Variants in INPP4B observed in about 807,000 individuals in gnomAD.
The protein encoded by INPP4B is inositol polyphosphate-4-phosphatase type II B.
In INPP4B, 55 loss-of-function variants were observed where a neutral mutation model predicts 122.5. That is an observed-to-expected ratio of 0.45 (90% CI 0.36 to 0.56). The LOEUF is 0.56. INPP4B is among the 20% of genes least tolerant of loss of function. INPP4B has a pLI of 0.00. For synonymous variants in INPP4B, 403 were observed against 388.7 expected, an observed-to-expected ratio of 1.04 and a Z score of -0.43; for missense variants, 1,000 against 1,097.7, an observed-to-expected ratio of 0.91 and a Z score of 1.26.
At chr4:142,297,865 G>A (rs1759467133) in intron 9 of INPP4B, among the ~76,000 whole-genome samples, 1 of 152,178 alleles carries the variant, frequency 6.6e-6, no homozygotes, top group South Asian at 2.1e-4. Flanking sequence ...TTTCATGCAA[G>A]AATAAAGGGA....
chr4:142,419,976 C>T (rs965583363), intron 5 of INPP4B, among the ~76,000 whole-genome samples: 2 of 152,006 alleles, frequency 1.3e-5, no homozygotes, highest in African/African-American at 4.8e-5. Flanking sequence ...AGATGCTGCA[C>T]AGAGGGACTT....
At chr4:142,105,232 A>T (rs1786409417) in intron 23 of INPP4B, among the ~76,000 whole-genome samples, 1 of 152,184 alleles carries the variant, frequency 6.6e-6, no homozygotes, top group South Asian at 2.1e-4. Context: ...CTGAATATTT[A>T]TTCCAAATGA....
chr4:142,234,609 A>G (rs1855874817), intron 12 of INPP4B, among the ~76,000 whole-genome samples: 1 of 152,210 alleles, frequency 6.6e-6, no homozygotes, highest in Non-Finnish European at 1.5e-5. Flanking sequence ...AATAAATTCT[A>G]ATGATAGGAG....
At position 142,160,415 on chromosome 4, in the gene INPP4B, T is replaced by C. The variant is rs1455992313; in HGVS notation, c.1506A>G (p.Pro502=). The C allele has an allele frequency of 5.0e-6, 8 of 1,606,146 alleles. No homozygotes were observed. Among genetic ancestry groups the C allele is most frequent in the Non-Finnish European group, 6.0e-6 (7 of 1,174,400 alleles). Residue 502 remains proline (P), a synonymous_variant, in exon 17 of 26, where the codon CCA becomes CCG. Transcript: ENST00000262992. The part of the protein sequence containing the change: ...TEESSPQDQP[P]VMRGQDSIPH... ...GTATGGAGTCCTGCCCTCTCATCAC[T>C]GGGGGTTGGTCTTGGGGACTGCTCT...
At chr4:142,227,313 A>G (rs1318345229) in intron 12 of INPP4B, among the ~76,000 whole-genome samples, 1 of 152,158 alleles carries the variant, frequency 6.6e-6, no homozygotes, top group Non-Finnish European at 1.5e-5. Context: ...GATTGTTTCC[A>G]AGAAGCAGGT....
chr4:142,311,505 G>T (rs1765502156), intron 8 of INPP4B, among the ~76,000 whole-genome samples: 1 of 152,060 alleles, frequency 6.6e-6, no homozygotes, highest in Non-Finnish European at 1.5e-5. Flanking sequence ...TGTGCTTTTT[G>T]ATTTATTCAA....
chr4:142,179,194 T>A (rs1384199384), intron 15 of INPP4B, among the ~76,000 whole-genome samples: 1 of 152,138 alleles, frequency 6.6e-6, no homozygotes, highest in Non-Finnish European at 1.5e-5. Context: ...AGTTTTGGGC[T>A]GGGCGCAGTG....
chr4:142,179,065 G>C (rs574756224), intron 15 of INPP4B, among the ~76,000 whole-genome samples: 45 of 152,002 alleles, frequency 3.0e-4, no homozygotes, highest in African/African-American at 8.0e-4. Context: ...AAAAGAATTA[G>C]AAAAAAACAA....
chr4:142,617,872 A>C (rs1263398434), intron 2 of INPP4B, among the ~76,000 whole-genome samples: 1 of 152,168 alleles, frequency 6.6e-6, no homozygotes, highest in African/African-American at 2.4e-5. Context: ...TAACAGCATA[A>C]AAGTTGGAGA....
At chr4:142,408,830 T>C (rs753335743) in intron 5 of INPP4B, among the ~76,000 whole-genome samples, 1 of 152,206 alleles carries the variant, frequency 6.6e-6, no homozygotes, top group Non-Finnish European at 1.5e-5. Flanking sequence ...TTGCTTAGTA[T>C]TGAATTGTTT....
chr4:142,127,960 T>C (rs1367068303), intron 18 of INPP4B, among the ~76,000 whole-genome samples: 1 of 152,136 alleles, frequency 6.6e-6, no homozygotes, highest in Non-Finnish European at 1.5e-5. Context: ...AGTTCATAAA[T>C]GGCCTTTTTG....
chr4:142,366,568 A>C lies in INPP4B; in HGVS notation c.372+36370T>G, dbSNP rs557426773. ...TTTTAGTTTACGTAGGCAAATCGTC[A>C]CCAATAATCTATGTGCAGCTTAACA... On this transcript the variant is annotated intron_variant, in intron 7 of 25. Coordinates refer to ENST00000262992, the MANE Select transcript of INPP4B (RefSeq NM_001101669.3). Among the ~76,000 whole-genome samples, 7 of 152,282 alleles carry C rather than the reference A, an allele frequency of 4.6e-5. No individual in the cohort carries two copies. The East Asian group carries it at 7.7e-4, about 17-fold the overall frequency.
At chr4:142,488,745 A>G (rs1019305953) in intron 2 of INPP4B, among the ~76,000 whole-genome samples, 1 of 152,080 alleles carries the variant, frequency 6.6e-6, no homozygotes, top group Non-Finnish European at 1.5e-5. Context: ...TGTCAAACCC[A>G]GTATTGGTAT....
chr4:142,724,552 G>A (rs1485910399), intron 2 of INPP4B, among the ~76,000 whole-genome samples: 3 of 152,000 alleles, frequency 2.0e-5, no homozygotes, highest in Admixed American at 1.3e-4. Flanking sequence ...GTCCCTATTT[G>A]GAGAGTCAAA....
intron 11 of INPP4B, among the ~76,000 whole-genome samples, chr4:142,246,080 TTATATATATGTGTGTGTGTATACACACA>T (rs1728577926): frequency 3.1e-5 from 4 of 128,366 alleles, no homozygotes; most frequent in Non-Finnish European, 6.5e-5. Context: ...TATACACACA[TTATATATATGTGTGTGTGTATACACACA>T]TATATATATG....
At chr4:142,510,618 T>C (rs1164926858) in intron 2 of INPP4B, among the ~76,000 whole-genome samples, 1 of 152,154 alleles carries the variant, frequency 6.6e-6, no homozygotes, top group Non-Finnish European at 1.5e-5. Flanking sequence ...TAATGTAGAG[T>C]TCTATTGCAT....
chr4:142,699,109 A>G (rs1335618484), intron 2 of INPP4B, among the ~76,000 whole-genome samples: 1 of 152,130 alleles, frequency 6.6e-6, no homozygotes, highest in Non-Finnish European at 1.5e-5. Flanking sequence ...AGTGGTAGAG[A>G]CAGTGGTCAG....
intron 2 of INPP4B, among the ~76,000 whole-genome samples, chr4:142,490,231 C>T (rs140479880): frequency 0.019 from 2,893 of 151,876 alleles, 41 homozygotes; most frequent in African/African-American, 0.036. Flanking sequence ...ACCACAAATG[C>T]GTGCCACTAC....
intron 2 of INPP4B, among the ~76,000 whole-genome samples, chr4:142,483,589 A>G (rs541120146): frequency 6.6e-6 from 1 of 152,046 alleles, no homozygotes; most frequent in Non-Finnish European, 1.5e-5. Context: ...TTTTAGATCA[A>G]ACTGGGAGGC....
Sources: allele counts gnomAD v4.1 joint callset (sites outside exome capture counted in the v4.1 genomes callset), GRCh38; gene constraint gnomAD v4.1.1; transcripts MANE v1.5; gene names NCBI Gene and HGNC (gene_info 2026-07-23, HGNC 2026-07-21).